The following REXO5 variants were observed in gnomAD, a reference collection of about 807,000 sequenced individuals.
REXO5 encodes RNA exonuclease 5, also known as exonuclease NEF-sp.
A neutral mutation model predicts 88.5 loss-of-function variants in REXO5; 48 were observed. The observed-to-expected ratio is 0.54, with a 90% CI of 0.43 to 0.69. REXO5 has a LOEUF of 0.69. REXO5 is among the 30% of genes least tolerant of loss of function. The pLI is 0.00. For missense variants in REXO5, 749 were observed against 912.2 expected (o/e 0.82, Z 2.30); for synonymous variants, 311 against 336.5 (o/e 0.92, Z 0.83).
Position 20,833,929 on chromosome 16 carries a change from T to C in REXO5, c.1383+806T>C, listed in dbSNP as rs1394328114. ...TTCTTGGCTGACCAAATAATGTCTTTATAGCATGTCTTTTCCCTTTAGAAC... is the reference window on the plus strand; with the variant it reads ...TTCTTGGCTGACCAAATAATGTCTTCATAGCATGTCTTTTCCCTTTAGAAC... On this transcript the variant is annotated intron_variant, in intron 13 of 19. Coordinates refer to ENST00000261377, the MANE Select transcript of REXO5 (RefSeq NM_030941.3). Among the ~76,000 whole-genome samples, 3 of 152,364 alleles carry C rather than the reference T, an allele frequency of 2.0e-5. No homozygotes were observed. The East Asian group carries it at 5.8e-4, about 29-fold the overall frequency.
rs966429282 is a variant in REXO5 at position 20,832,158 on chromosome 16, T to C, written c.1161T>C (p.Ile387=). 5.6e-6 allele frequency: 9 copies of C among 1,599,514 alleles called. No individual in the cohort carries two copies. The highest frequency in any genetic ancestry group is 7.7e-6 in the Non-Finnish European group (9 of 1,171,214). The change falls in exon 12 of 20, where the codon ATT becomes ATC. Residue 387 remains isoleucine, a splice_region_variant and synonymous_variant. Transcript: ENST00000261377. ...RYFLKHGPKK[I]AELNLEALAN... ...TTTACCACTTTGTTTTCTTCAAGAT[T>C]GCAGAACTAAATCTAGAAGCACTAG...
chr16:20,814,515 T>G (rs2081051901), intron 3 of REXO5, among the ~76,000 whole-genome samples: 1 of 152,178 alleles, frequency 6.6e-6, no homozygotes, highest in South Asian at 2.1e-4. Flanking sequence ...GTGCTGGGAT[T>G]ACAGGCGTGA....
chr16:20,806,849 G>A, intron 1 of REXO5, 103 bp from the exon 2 acceptor site: 4 of 1,446,506 alleles, frequency 2.8e-6, no homozygotes, highest in Non-Finnish European at 3.7e-6. Flanking sequence ...ATCCGAGGGA[G>A]GTTGAAAGCT....
In REXO5 at chr16:20,810,408, C is replaced by T. The variant is rs1407455175; in HGVS notation, c.139-2782C>T. Among the ~76,000 whole-genome samples, 5 of 146,804 alleles carry T rather than the reference C, an allele frequency of 3.4e-5. No individual in the cohort carries two copies. In the East Asian group the frequency reaches 5.9e-4, roughly 17 times the overall value. ...TCATTCTATTCATTCTAGTTTTCTC[C>T]TTTTTTTTTTTCTTTTGAGACAAAA... On this transcript the variant is annotated intron_variant, in intron 2 of 19. Transcript: ENST00000261377.
At chr16:20,822,811 G>A (rs932015940) in intron 6 of REXO5, among the ~76,000 whole-genome samples, 13 of 152,330 alleles carry the variant, frequency 8.5e-5, no homozygotes, top group Middle Eastern at 3.4e-3. Context: ...GGACATTTGG[G>A]TTGTTTCCAC....
intron 15 of REXO5, among the ~76,000 whole-genome samples, chr16:20,842,860 G>C (rs778609996): frequency 5.3e-5 from 8 of 152,180 alleles, no homozygotes; most frequent in Non-Finnish European, 7.3e-5. Flanking sequence ...TGTATACCCA[G>C]AAGTGGAATT....
At position 20,816,216 on chromosome 16, in the gene REXO5, T is replaced by TAG; in HGVS notation, c.475+5_475+6dup. 1.9e-6 allele frequency: 3 copies of TAG among 1,605,156 alleles called. No individual in the cohort carries two copies. In the African/African-American group the frequency reaches 4.0e-5, roughly 21 times the overall value. On this transcript the variant is annotated splice_donor_region_variant and intron_variant, in intron 5 of 19. Coordinates refer to ENST00000261377, the MANE Select transcript of REXO5 (RefSeq NM_030941.3). ...GATCTGCCCAAGACAATGGAAGGTA[T>TAG]AGCTATGATGCTGGTTTGATGCTTT... is the stretch of plus-strand genomic sequence containing the variant.
intron 19 of REXO5, among the ~76,000 whole-genome samples, chr16:20,847,603 G>T (rs2081629003): frequency 6.6e-6 from 1 of 152,128 alleles, no homozygotes; most frequent in Non-Finnish European, 1.5e-5. Context: ...ACCTTTGAAA[G>T]AACCGCTTTC....
At chr16:20,826,754 T>C (rs1224047562) in intron 8 of REXO5, among the ~76,000 whole-genome samples, 1 of 152,222 alleles carries the variant, frequency 6.6e-6, no homozygotes, top group African/African-American at 2.4e-5. Flanking sequence ...AATGTGTTTA[T>C]GACATATTAT....
At chr16:20,841,158 A>G (rs2152511600) in intron 15 of REXO5, among the ~76,000 whole-genome samples, 2 of 152,252 alleles carry the variant, frequency 1.3e-5, no homozygotes, top group Admixed American at 1.3e-4. Context: ...CTTTAAAGAG[A>G]TTAGTTTTAC....
intron 11 of REXO5, among the ~76,000 whole-genome samples, chr16:20,831,722 C>G (rs922046896): frequency 2.0e-5 from 3 of 152,070 alleles, no homozygotes; most frequent in Non-Finnish European, 2.9e-5. Context: ...TTGTATTAAA[C>G]TAATAAATAG....
chr16:20,820,372 T>C (rs2152502900), intron 5 of REXO5, among the ~76,000 whole-genome samples: 1 of 151,556 alleles, frequency 6.6e-6, no homozygotes, highest in African/African-American at 2.4e-5. Context: ...TGAGCAAATA[T>C]TGTTTGAAGA....
chr16:20,813,350 T>TC lies in REXO5; in HGVS notation c.251+48_251+49insC, dbSNP rs200534402. 3.6e-4 allele frequency: 319 copies of TC among 882,500 alleles called. 2 individuals are homozygous for TC. The highest frequency in any genetic ancestry group is 2.1e-3 in the Middle Eastern group (8 of 3,900). The allele number at this position is 882,500 out of a possible 1,614,324, so 54.7% of individuals were successfully genotyped here. Reference sequence around the variant, plus strand: ...GGGTATTGACCAGCGGTTTCTTTTTTTTTTTTTTTTTTTTACCTCTCCCAA... The same window carrying TC: ...GGGTATTGACCAGCGGTTTCTTTTTTCTTTTTTTTTTTTTTACCTCTCCCAA... On this transcript the variant is annotated intron_variant, in intron 3 of 19. Transcript: ENST00000261377.
chr16:20,818,656 G>A (rs938340667), intron 5 of REXO5, among the ~76,000 whole-genome samples: 2 of 152,120 alleles, frequency 1.3e-5, no homozygotes, highest in Non-Finnish European at 2.9e-5. Context: ...TTTTAGTAAC[G>A]ACAGAGTTTC....
chr16:20,838,639 A>G lies in REXO5; in HGVS notation c.1384-1116A>G, dbSNP rs183797259. On this transcript the variant is annotated intron_variant, in intron 13 of 19. Transcript: ENST00000261377. ...TTGTCCCTACTTCTTTTCAGAGCCC[A>G]TAATCTCTTTCTTCCCCTGGTTTCT... Among the ~76,000 whole-genome samples, 88 of 152,188 alleles carry G rather than the reference A, an allele frequency of 5.8e-4. 3 individuals carry two copies. In the East Asian group the frequency reaches 8.3e-3, roughly 14 times the overall value.
chr16:20,813,160 G>A, intron 2 of REXO5, 30 bp from the exon 3 acceptor site: 1 of 1,418,720 alleles, frequency 7.0e-7, no homozygotes. Flanking sequence ...AACCAATAAT[G>A]GCTTGCTACG....
chr16:20,814,269 C>T (rs1482029490), intron 3 of REXO5, among the ~76,000 whole-genome samples: 1 of 152,116 alleles, frequency 6.6e-6, no homozygotes, highest in Non-Finnish European at 1.5e-5. Context: ...TGGAGCCTCG[C>T]TCTGTCACCT....
chr16:20,848,462 A>T (rs547938625), intron 19 of REXO5, among the ~76,000 whole-genome samples: 1 of 152,076 alleles, frequency 6.6e-6, no homozygotes, highest in Admixed American at 6.6e-5. Flanking sequence ...AGATTAACCA[A>T]TTTTCCTAGG....
At chr16:20,827,567 T>C in intron 10 of REXO5, 120 bp downstream of exon 10, 1 of 700,090 alleles carries the variant, frequency 1.4e-6, no homozygotes, top group Non-Finnish European at 2.4e-6. Context: ...TTTAAACATG[T>C]TTTTTTGCAT....
Sources: gnomAD v4.1 joint callset for allele counts (sites outside exome capture counted in the v4.1 genomes callset) on GRCh38, gnomAD v4.1.1 for gene constraint, MANE v1.5 for transcripts, NCBI Gene and HGNC (gene_info 2026-07-23, HGNC 2026-07-21) for gene names.